DLC1: variants seen among roughly 807,000 people sequenced by gnomAD.
DLC1 encodes DLC1 Rho GTPase activating protein, also known as rho GTPase-activating protein 7.
In DLC1, 54 loss-of-function variants were observed where a neutral mutation model predicts 140.3. The observed-to-expected ratio is 0.38, with a 90% CI of 0.31 to 0.48. The LOEUF (loss-of-function observed/expected upper bound fraction) is 0.48, where lower values mean the gene tolerates loss of function less well. DLC1 is among the 20% of genes least tolerant of loss of function. The pLI, the probability that DLC1 is intolerant of heterozygous loss-of-function variation, is 0.96. For synonymous variants in DLC1, 986 were observed against 728.1 expected (o/e 1.35, Z -5.70); for missense variants, 2,536 against 1,907.0 (o/e 1.33, Z -6.14).
chr8:13,147,461 C>T (rs1473919660), intron 5 of DLC1, among the ~76,000 whole-genome samples: 1 of 152,156 alleles, frequency 6.6e-6, no homozygotes, highest in Non-Finnish European at 1.5e-5. Flanking sequence ...AAAGAAAGTT[C>T]TTTCATACTG....
chr8:13,403,807 G>GTTTTTTTTTTTTTTTTT (rs369715973), intron 2 of DLC1, among the ~76,000 whole-genome samples: 4 of 87,290 alleles, frequency 4.6e-5, no homozygotes, highest in Non-Finnish European at 6.2e-5. Context: ...AGGTCTGGCT[G>GTTTTTTTTTTTTTTTTT]TTTTTTTTTT....
At chr8:13,294,489 C>T (rs568732153) in intron 5 of DLC1, among the ~76,000 whole-genome samples, 4 of 152,172 alleles carry the variant, frequency 2.6e-5, no homozygotes, top group Admixed American at 1.3e-4. Context: ...AAGACTTCAC[C>T]TTCACCGGGA....
chr8:13,111,145 CA>C (rs759242757), intron 6 of DLC1, among the ~76,000 whole-genome samples: 1 of 152,162 alleles, frequency 6.6e-6, no homozygotes. Context: ...ATTTAAGCCA[CA>C]AAGACTGTCA....
chr8:13,267,729 AGTGTGTGT>A (rs58701617), intron 5 of DLC1, among the ~76,000 whole-genome samples: 8,528 of 140,402 alleles, frequency 0.061, 411 homozygotes, highest in African/African-American at 0.13. Context: ...ATTCCTGAGG[AGTGTGTGT>A]GTGTGTGTGT....
chr8:13,282,698 C>T (rs927825559), intron 5 of DLC1, among the ~76,000 whole-genome samples: 1 of 152,024 alleles, frequency 6.6e-6, no homozygotes, highest in Admixed American at 6.6e-5. Flanking sequence ...AGTAAAGAAG[C>T]TCAGCATTAC....
intron 2 of DLC1, among the ~76,000 whole-genome samples, chr8:13,431,953 T>G (rs1233912090): frequency 2.0e-5 from 3 of 152,238 alleles, no homozygotes; most frequent in African/African-American, 7.2e-5. Context: ...CTACCAGATC[T>G]TAGAAATTCA....
At chr8:13,392,763 A>C (rs1836820316) in intron 4 of DLC1, among the ~76,000 whole-genome samples, 1 of 150,188 alleles carries the variant, frequency 6.7e-6, no homozygotes, top group Non-Finnish European at 1.5e-5. Flanking sequence ...TTTTATTCAC[A>C]ATCTACACAT....
chr8:13,158,313 A>G (rs1176214396), intron 5 of DLC1, among the ~76,000 whole-genome samples: 1 of 152,258 alleles, frequency 6.6e-6, no homozygotes, highest in Non-Finnish European at 1.5e-5. Flanking sequence ...TAAACAAAAG[A>G]AACAGTATTT....
intron 5 of DLC1, among the ~76,000 whole-genome samples, chr8:13,301,052 G>T (rs145516265): frequency 3.1e-4 from 47 of 152,274 alleles, no homozygotes; most frequent in African/African-American, 8.4e-4. Flanking sequence ...GAACCCAGGC[G>T]CCTAGCTGGC....
chr8:13,365,225 A>G (rs1286939641), intron 4 of DLC1, among the ~76,000 whole-genome samples: 3 of 152,180 alleles, frequency 2.0e-5, no homozygotes, highest in Non-Finnish European at 4.4e-5. Context: ...GGAGAAAAAT[A>G]CTTTGAGTTA....
chr8:13,186,925 G>T (rs1253104502), intron 5 of DLC1, among the ~76,000 whole-genome samples: 2 of 152,218 alleles, frequency 1.3e-5, no homozygotes, highest in Non-Finnish European at 1.5e-5. Flanking sequence ...CTGCAGGTCT[G>T]TTGGAGTTTG....
chr8:13,451,097 C>G (rs1288169917), intron 2 of DLC1, among the ~76,000 whole-genome samples: 1 of 122,180 alleles, frequency 8.2e-6, no homozygotes, highest in African/African-American at 3.0e-5. Flanking sequence ...AGATATAGGT[C>G]AAATTTTCTT....
intron 2 of DLC1, among the ~76,000 whole-genome samples, chr8:13,427,960 C>A (rs1228273156): frequency 6.6e-6 from 1 of 152,088 alleles, no homozygotes; most frequent in African/African-American, 2.4e-5. Flanking sequence ...ACCATCTGGC[C>A]AGAAATCCAG....
At chr8:13,384,375 T>C (rs1836415689) in intron 4 of DLC1, among the ~76,000 whole-genome samples, 1 of 123,744 alleles carries the variant, frequency 8.1e-6, no homozygotes, top group Admixed American at 7.5e-5. Context: ...TGTGTGAGCG[T>C]GCGCGTGTGT....
upstream of DLC1, among the ~76,000 whole-genome samples, chr8:13,518,064 G>A (rs1802647674): frequency 6.6e-6 from 1 of 151,994 alleles, no homozygotes; most frequent in Non-Finnish European, 1.5e-5. Context: ...AGAATAGCAG[G>A]AGGTGGATTA....
intron 2 of DLC1, among the ~76,000 whole-genome samples, chr8:13,489,073 G>C (rs28483955): frequency 0.019 from 2,890 of 152,008 alleles, 105 homozygotes; most frequent in African/African-American, 0.066. Context: ...TCAGTCTCCC[G>C]AGCAGCTGGG....
intron 5 of DLC1, among the ~76,000 whole-genome samples, chr8:13,123,106 A>G (rs1821242113): frequency 6.6e-6 from 1 of 152,216 alleles, no homozygotes; most frequent in Non-Finnish European, 1.5e-5. Context: ...TCTATCCTCC[A>G]CTTAGAAACG....
At chr8:13,100,867 C>G in intron 8 of DLC1, 97 bp from the exon 9 acceptor site, 1 of 1,034,126 alleles carries the variant, frequency 9.7e-7, no homozygotes, top group Non-Finnish European at 1.3e-6. Flanking sequence ...CCAGTAGTAT[C>G]AATTTCCCCC....
intron 2 of DLC1, among the ~76,000 whole-genome samples, chr8:13,471,459 G>T (rs1331811844): frequency 6.9e-6 from 1 of 145,330 alleles, no homozygotes; most frequent in East Asian, 2.2e-4. Context: ...AAAAGAGTGA[G>T]GAAGGAAGGA....
Sources: allele counts gnomAD v4.1 joint callset (sites outside exome capture counted in the v4.1 genomes callset), GRCh38; gene constraint gnomAD v4.1.1; transcripts MANE v1.5; gene names NCBI Gene and HGNC (gene_info 2026-07-23, HGNC 2026-07-21).